Variants in C3orf33 observed in about 807,000 individuals in gnomAD.
C3orf33 encodes the protein AP-1 activity suppressor.
Under a neutral mutation model 28.7 loss-of-function variants are expected in C3orf33, and 23 were observed. The ratio of observed to expected loss-of-function variants is 0.80; its 90% CI spans 0.58 to 1.13. C3orf33 has a LOEUF of 1.13. Among genes scored for constraint, C3orf33 ranks in the 50% most tolerant of loss-of-function variants. C3orf33 has a pLI of 0.00. For missense variants in C3orf33, 327 were observed against 353.4 expected (o/e 0.93, Z 0.60); for synonymous variants, 119 against 120.5 (o/e 0.99, Z 0.08).
intron 2 of C3orf33, among the ~76,000 whole-genome samples, chr3:155,788,779 C>T (rs1448733624): frequency 1.3e-5 from 2 of 151,928 alleles, no homozygotes; most frequent in Admixed American, 6.6e-5. Context: ...CAAGGATGTC[C>T]ACTCTCACCA....
intron 2 of C3orf33, among the ~76,000 whole-genome samples, chr3:155,787,291 T>G (rs1316700104): frequency 6.6e-6 from 1 of 151,084 alleles, no homozygotes; most frequent in Non-Finnish European, 1.5e-5. Context: ...CTTGACCTGC[T>G]GGGCTCAATC....
chr3:155,778,141 C>CAAAAAAA (rs55700532), intron 2 of C3orf33, among the ~76,000 whole-genome samples: 13 of 75,758 alleles, frequency 1.7e-4, no homozygotes, highest in Admixed American at 4.1e-4. Context: ...AACTCCATTT[C>CAAAAAAA]AAAAAAAAAA....
intron 2 of C3orf33, among the ~76,000 whole-genome samples, chr3:155,799,235 G>A (rs552645623): frequency 1.3e-5 from 2 of 152,272 alleles, no homozygotes; most frequent in African/African-American, 4.8e-5. Context: ...ACTAAAAATA[G>A]AAGTACCATA....
At chr3:155,772,137 G>C (rs1490604562) in intron 3 of C3orf33, among the ~76,000 whole-genome samples, 1 of 152,086 alleles carries the variant, frequency 6.6e-6, no homozygotes, top group East Asian at 1.9e-4. Flanking sequence ...CTTGAAAGGA[G>C]GAGGCTGCAA....
chr3:155,793,838 T>TAAAAAAAAAAAA (rs1751395135), intron 2 of C3orf33, among the ~76,000 whole-genome samples: 2 of 109,634 alleles, frequency 1.8e-5, no homozygotes, highest in African/African-American at 2.9e-5. Context: ...CTAAAAAAAC[T>TAAAAAAAAAAAA]AAAAAAACTA....
intron 2 of C3orf33, among the ~76,000 whole-genome samples, chr3:155,783,922 GT>G (rs997891136): frequency 2.0e-5 from 3 of 149,886 alleles, no homozygotes; most frequent in African/African-American, 7.3e-5. Context: ...GTTTTGTTTT[GT>G]TTGGGGTTTT....
chr3:155,803,834 A>T (rs1751726728), intron 1 of C3orf33, among the ~76,000 whole-genome samples: 1 of 152,026 alleles, frequency 6.6e-6, no homozygotes, highest in South Asian at 2.1e-4. Flanking sequence ...GTGAGCCGAG[A>T]TTGTGCCACT....
intron 2 of C3orf33, among the ~76,000 whole-genome samples, chr3:155,784,617 G>T (rs905859558): frequency 1.3e-5 from 2 of 151,920 alleles, no homozygotes; most frequent in African/African-American, 2.4e-5. Context: ...GTGAGTACCT[G>T]TAATCCCAGG....
chr3:155,763,824 A>AT lies in C3orf33; in HGVS notation c.577dup (p.Ile193AsnfsTer11). 1 of 1,575,950 alleles carries AT rather than the reference A, an allele frequency of 6.3e-7. No individual in the cohort carries two copies. Among genetic ancestry groups the AT allele is most frequent in the Non-Finnish European group, 8.6e-7 (1 of 1,166,438 alleles). On this transcript the variant is annotated frameshift_variant, in exon 5 of 5. Transcript: ENST00000340171. LOFTEE classifies it high-confidence loss of function. The stretch of plus-strand genomic sequence containing the variant: ...TAAGTTTCTGTGAACTGTCCAGTAG[A>AT]TTTTAGAATCATATTTAAGCCCTTT...
intron 2 of C3orf33, among the ~76,000 whole-genome samples, chr3:155,792,578 A>C (rs1180155436): frequency 6.6e-6 from 1 of 152,284 alleles, no homozygotes; most frequent in East Asian, 1.9e-4. Context: ...ACCTAATAAA[A>C]TTCAAGACAA....
intron 3 of C3orf33, among the ~76,000 whole-genome samples, chr3:155,771,758 T>G (rs1197205548): frequency 6.6e-6 from 1 of 152,186 alleles, no homozygotes; most frequent in Non-Finnish European, 1.5e-5. Flanking sequence ...CCCTCTATCT[T>G]CTGAGCCCTT....
chr3:155,790,592 G>C (rs750947343), intron 2 of C3orf33, among the ~76,000 whole-genome samples: 1 of 152,182 alleles, frequency 6.6e-6, no homozygotes, highest in African/African-American at 2.4e-5. Context: ...TTCAACTGCT[G>C]ATGCAACCCC....
chr3:155,783,186 G>A (rs898560725), intron 2 of C3orf33, among the ~76,000 whole-genome samples: 6 of 148,148 alleles, frequency 4.1e-5, no homozygotes, highest in East Asian at 2.0e-4. Flanking sequence ...ATGGAGTCTC[G>A]TTCTGTCACC....
At chr3:155,784,989 CT>C (rs1751054702) in intron 2 of C3orf33, among the ~76,000 whole-genome samples, 1 of 151,682 alleles carries the variant, frequency 6.6e-6, no homozygotes, top group South Asian at 2.1e-4. Flanking sequence ...AGGGGATACA[CT>C]TTAAATCCAA....
intron 2 of C3orf33, among the ~76,000 whole-genome samples, chr3:155,778,863 A>G (rs934977025): frequency 6.6e-6 from 1 of 152,222 alleles, no homozygotes; most frequent in African/African-American, 2.4e-5. Context: ...TAATATGATC[A>G]TGAATGACTT....
At position 155,806,129 on chromosome 3, in the gene C3orf33, GC is replaced by G; in HGVS notation, c.114+9del. The stretch of plus-strand genomic sequence containing the variant: ...GCCCACCACCCGCCCAGACTGCGTG[GC>G]CCCAGTACCCGGACTAGGCGCAGGT... On this transcript the variant is annotated intron_variant, in intron 1 of 4. Coordinates refer to ENST00000340171, the MANE Select transcript of C3orf33 (RefSeq NM_001308229.2). The G allele has an allele frequency of 7.1e-7, 1 of 1,411,208 alleles. No homozygotes were observed. The highest frequency in any genetic ancestry group is 9.4e-7 in the Non-Finnish European group (1 of 1,068,466). The allele number at this position is 1,411,208 out of a possible 1,614,324, so 87.4% of individuals were successfully genotyped here.
At chr3:155,787,651 CGTATGCCCAGCT>C (rs1344581175) in intron 2 of C3orf33, among the ~76,000 whole-genome samples, 1 of 151,248 alleles carries the variant, frequency 6.6e-6, no homozygotes, top group Non-Finnish European at 1.5e-5. Flanking sequence ...TGTGCCCAGC[CGTATGCCCAGCT>C]AATTTGTTTT....
chr3:155,803,798 C>T (rs2109285497), intron 1 of C3orf33, among the ~76,000 whole-genome samples: 1 of 149,756 alleles, frequency 6.7e-6, no homozygotes, highest in East Asian at 2.0e-4. Context: ...ACGAGAATCG[C>T]TAGAACCCAG....
intron 3 of C3orf33, among the ~76,000 whole-genome samples, chr3:155,774,288 A>G (rs921510507): frequency 6.6e-6 from 1 of 152,210 alleles, no homozygotes; most frequent in African/African-American, 2.4e-5. Context: ...TAAGTACTAT[A>G]ATTGCAGTGT....
Sources: allele counts gnomAD v4.1 joint callset (sites outside exome capture counted in the v4.1 genomes callset), GRCh38; gene constraint gnomAD v4.1.1; transcripts MANE v1.5; gene names NCBI Gene and HGNC (gene_info 2026-07-23, HGNC 2026-07-21).